USP32: variants seen among roughly 807,000 people sequenced by gnomAD.
USP32 encodes ubiquitin specific peptidase 32, also known as ubiquitin carboxyl-terminal hydrolase 32.
Under a neutral mutation model 204.8 loss-of-function variants are expected in USP32, and 59 were observed. That is an observed-to-expected ratio of 0.29 (90% confidence interval 0.23 to 0.36). The LOEUF is 0.36. Among genes scored for constraint, USP32 ranks in the 10% least tolerant of loss-of-function variants. USP32 has a pLI of 1.00. For missense variants in USP32, 1,160 were observed against 1,946.4 expected (o/e 0.60, Z 7.60); for synonymous variants, 517 against 678.4 (o/e 0.76, Z 3.70).
chr17:60,189,866 A>T (rs550207075), intron 29 of USP32, among the ~76,000 whole-genome samples: 1 of 152,350 alleles, frequency 6.6e-6, no homozygotes, highest in South Asian at 2.1e-4. Flanking sequence ...AGAGATGCTT[A>T]TTGATATGTC....
At chr17:60,207,199 A>C (rs1183506028) in intron 24 of USP32, 67 bp from the exon 25 acceptor site, 1 of 1,529,862 alleles carries the variant, frequency 6.5e-7, no homozygotes, top group Admixed American at 2.3e-5. Context: ...TTCTCTCTCT[A>C]ACATATTTCA....
At chr17:60,335,625 G>A (rs2088498374) in intron 2 of USP32, among the ~76,000 whole-genome samples, 1 of 143,314 alleles carries the variant, frequency 7.0e-6, no homozygotes, top group Admixed American at 6.8e-5. Flanking sequence ...AAAACATACG[G>A]TAGTCATGAA....
At chr17:60,378,293 C>T (rs530904096) in intron 1 of USP32, among the ~76,000 whole-genome samples, 1 of 151,984 alleles carries the variant, frequency 6.6e-6, no homozygotes, top group South Asian at 2.1e-4. Flanking sequence ...AACAAAATAA[C>T]AAGTATTGGG....
chr17:60,363,799 A>G (rs2089259701), intron 1 of USP32, among the ~76,000 whole-genome samples: 1 of 151,866 alleles, frequency 6.6e-6, no homozygotes, highest in African/African-American at 2.4e-5. Flanking sequence ...GTGCCTGAAT[A>G]GGTATAATTT....
intron 1 of USP32, among the ~76,000 whole-genome samples, chr17:60,352,349 G>A (rs1336313386): frequency 1.3e-5 from 2 of 152,114 alleles, no homozygotes; most frequent in Non-Finnish European, 2.9e-5. Flanking sequence ...ATTTTTGAGT[G>A]AACGTCAAAG....
intron 12 of USP32, 53 bp from the exon 13 acceptor site, chr17:60,226,284 T>C (rs1598097666): frequency 1.4e-6 from 2 of 1,436,188 alleles, no homozygotes; most frequent in Admixed American, 2.7e-5. Context: ...CTGACAACTA[T>C]GTAGTCTTCA....
rs76901441 is a variant in USP32 at position 60,337,245 on chromosome 17, G to C, written c.186+8236C>G. 9.5e-3 allele frequency among the ~76,000 whole-genome samples: 1,442 copies of C among 152,216 alleles called. 32 individuals are homozygous for C. The highest frequency in any genetic ancestry group is 0.033 in the African/African-American group (1,386 of 41,526). On this transcript the variant is annotated intron_variant, in intron 2 of 33. Transcript: ENST00000300896. Reference sequence around the variant, plus strand: ...CAGCATAAATTCACCAGCACTAATAGGAAAATATCCTACTAATCAGCTGTT... The same window carrying C: ...CAGCATAAATTCACCAGCACTAATACGAAAATATCCTACTAATCAGCTGTT...
intron 12 of USP32, among the ~76,000 whole-genome samples, chr17:60,232,152 C>A (rs1350688509): frequency 6.7e-6 from 1 of 149,728 alleles, no homozygotes; most frequent in Non-Finnish European, 1.5e-5. Flanking sequence ...GACATGTCAA[C>A]ACTAATTTTC....
chr17:60,254,114 G>T (rs1175307173), intron 10 of USP32, among the ~76,000 whole-genome samples: 1 of 152,070 alleles, frequency 6.6e-6, no homozygotes, highest in Non-Finnish European at 1.5e-5. Context: ...CTTCACAGTG[G>T]TGAAAGGAAA....
rs369594951 is a variant in USP32 at position 60,373,049 on chromosome 17, C to T, written c.58+18833G>A. ...AGGTATGGTGGCATGCACCCATAGTCGCAGCTACTCTATAGGCTAAGGTGG... is the reference window on the plus strand; with the variant it reads ...AGGTATGGTGGCATGCACCCATAGTTGCAGCTACTCTATAGGCTAAGGTGG... On this transcript the variant is annotated intron_variant, in intron 1 of 33. Transcript: ENST00000300896. Among the ~76,000 whole-genome samples, 4 of 151,872 alleles carry T rather than the reference C, an allele frequency of 2.6e-5. No homozygotes were observed. The South Asian group carries it at 6.3e-4, about 24-fold the overall frequency.
chr17:60,394,133 G>C (rs1355102409), upstream of USP32, among the ~76,000 whole-genome samples: 1 of 152,168 alleles, frequency 6.6e-6, no homozygotes, highest in African/African-American at 2.4e-5. Flanking sequence ...GAATCAGGGG[G>C]TTGGGAATAC....
intron 1 of USP32, among the ~76,000 whole-genome samples, chr17:60,386,821 C>T (rs1221105338): frequency 6.6e-6 from 1 of 152,184 alleles, no homozygotes; most frequent in African/African-American, 2.4e-5. Flanking sequence ...GTCAGAGACA[C>T]ACCAAACCTA....
At chr17:60,348,754 C>A (rs1173121763) in intron 1 of USP32, among the ~76,000 whole-genome samples, 1 of 150,430 alleles carries the variant, frequency 6.6e-6, no homozygotes, top group South Asian at 2.1e-4. Context: ...GGTGACAGAG[C>A]GAGACTGTCT....
intron 5 of USP32, among the ~76,000 whole-genome samples, chr17:60,281,744 C>G (rs764860751): frequency 6.6e-6 from 1 of 152,102 alleles, no homozygotes; most frequent in African/African-American, 2.4e-5. Flanking sequence ...CTGTGTGACA[C>G]AGAGGTTGAA....
chr17:60,264,124 G>T (rs1014019755), intron 9 of USP32, among the ~76,000 whole-genome samples: 1 of 151,964 alleles, frequency 6.6e-6, no homozygotes, highest in Non-Finnish European at 1.5e-5. Context: ...ATAAGTCAAG[G>T]ATTTTTTTTT....
intron 11 of USP32, among the ~76,000 whole-genome samples, chr17:60,246,917 T>C (rs2086042770): frequency 6.6e-6 from 1 of 152,222 alleles, no homozygotes; most frequent in South Asian, 2.1e-4. Flanking sequence ...GAGGCCTTTA[T>C]ACATTCTGGT....
At chr17:60,242,180 G>A (rs2085895612) in intron 11 of USP32, among the ~76,000 whole-genome samples, 1 of 152,096 alleles carries the variant, frequency 6.6e-6, no homozygotes, top group South Asian at 2.1e-4. Flanking sequence ...ATTCACAGGT[G>A]TGATCACTGC....
At chr17:60,369,913 A>G (rs2089404370) in intron 1 of USP32, among the ~76,000 whole-genome samples, 1 of 152,130 alleles carries the variant, frequency 6.6e-6, no homozygotes, top group Non-Finnish European at 1.5e-5. Context: ...AATTAAAAAA[A>G]AGATTTTGTA....
At chr17:60,222,596 T>G (rs780850168) in intron 14 of USP32, 47 bp from the exon 15 acceptor site, 2 of 1,591,478 alleles carry the variant, frequency 1.3e-6, no homozygotes, top group African/African-American at 1.3e-5. Context: ...ATTACAAAAG[T>G]TTTTGGGTCT....
Sources: allele counts gnomAD v4.1 joint callset (sites outside exome capture counted in the v4.1 genomes callset), GRCh38; gene constraint gnomAD v4.1.1; transcripts MANE v1.5; gene names NCBI Gene and HGNC (gene_info 2026-07-23, HGNC 2026-07-21).